Variants in WSB2 observed in about 807,000 individuals in gnomAD.
WSB2 encodes the protein WD repeat and SOCS box containing 2.
WSB2 carries 12 observed loss-of-function variants against 48.8 expected under a neutral mutation model. The ratio of observed to expected loss-of-function variants is 0.25; its 90% CI spans 0.16 to 0.40. WSB2 has a LOEUF of 0.40. Among genes scored for constraint, WSB2 ranks in the 10% least tolerant of loss-of-function variants. The pLI is 1.00. For synonymous variants in WSB2, 191 were observed against 203.1 expected, an observed-to-expected ratio of 0.94 and a Z score of 0.51; for missense variants, 317 against 506.2, an observed-to-expected ratio of 0.63 and a Z score of 3.59.
intron 1 of WSB2, among the ~76,000 whole-genome samples, chr12:118,055,551 C>CTT (rs989997556): frequency 7.5e-6 from 1 of 133,726 alleles, no homozygotes; most frequent in Non-Finnish European, 1.6e-5. Context: ...ATGAAAATGT[C>CTT]TTTTTTTTTT....
chr12:118,038,441 CTG>C lies in WSB2; in HGVS notation c.560-55_560-54del, dbSNP rs939268628. On this transcript the variant is annotated intron_variant, in intron 4 of 8. Transcript: ENST00000315436. ...GCCAGTCCTCAACAAAGCAGGAAGA[CTG>C]GAGAACGGGAGAACTGGGGTGGTAA... The C allele has an allele frequency of 4.5e-6, 7 of 1,567,688 alleles. No individual in the cohort carries two copies. The African/African-American group carries it at 8.1e-5, about 18-fold the overall frequency.
At position 118,032,919 on chromosome 12, in the gene WSB2, T is replaced by C. The variant is rs148695294; in HGVS notation, c.*1277A>G. 6.6e-6 allele frequency: 1 copy of C among 152,230 alleles called. No homozygotes were observed. Among genetic ancestry groups the C allele is most frequent in the East Asian group, 1.9e-4 (1 of 5,172 alleles). 9.4% of individuals were successfully genotyped at this position (152,230 alleles called of 1,614,324 possible). A position where few individuals can be genotyped will look rare whatever the true frequency, so the allele number is the denominator to read the frequency against. On this transcript the variant is annotated 3_prime_UTR_variant, in exon 9 of 9. Transcript: ENST00000315436. ...CAGAGAGCCAAAAGCTTTTAACTGT[T>C]GTTTTTTTCTTTTCTTCAATGAAAG...
In WSB2 at chr12:118,055,607, C is replaced by CTTTTTTT. The variant is rs748354611; in HGVS notation, c.14-3136_14-3130dup. The stretch of plus-strand genomic sequence containing the variant: ...ATTGGTTCACTTCCTCTACATTATC[C>CTTTTTTT]TTTTTTTTTTTTTTTTTTTTTTTTT... On this transcript the variant is annotated intron_variant, in intron 1 of 8. Transcript: ENST00000315436. 1.5e-3 allele frequency among the ~76,000 whole-genome samples: 124 copies of CTTTTTTT among 81,712 alleles called. 1 individual carries two copies. The highest frequency in any genetic ancestry group is 3.4e-3 in the East Asian group (7 of 2,088). The allele number at this position is 81,712 out of a possible 152,430, so 53.6% of individuals were successfully genotyped here. A position where few individuals can be genotyped will look rare whatever the true frequency, so the allele number is the denominator to read the frequency against.
rs1355309190 is a variant in WSB2 at position 118,032,933 on chromosome 12, C to A, written c.*1263G>T. On this transcript the variant is annotated 3_prime_UTR_variant, in exon 9 of 9. Transcript: ENST00000315436. The stretch of plus-strand genomic sequence containing the variant: ...CTTTTAACTGTTGTTTTTTTCTTTT[C>A]TTCAATGAAAGCCTCTCATTTTGAA... 1 of 151,348 alleles carries A rather than the reference C, an allele frequency of 6.6e-6. No homozygotes were observed. The highest frequency in any genetic ancestry group is 1.5e-5 in the Non-Finnish European group (1 of 67,838). 9.4% of individuals were successfully genotyped at this position (151,348 alleles called of 1,614,324 possible). A position where few individuals can be genotyped will look rare whatever the true frequency, so the allele number is the denominator to read the frequency against.
At chr12:118,043,477 G>T in intron 2 of WSB2, 100 bp from the exon 3 acceptor site, 1 of 1,488,350 alleles carries the variant, frequency 6.7e-7, no homozygotes, top group Non-Finnish European at 8.9e-7. Flanking sequence ...GGAGGGAAGG[G>T]TCTGTCACCC....
chr12:118,061,536 G>C (rs1593478156), upstream of WSB2, among the ~76,000 whole-genome samples: 1 of 151,362 alleles, frequency 6.6e-6, no homozygotes, highest in East Asian at 2.0e-4. Context: ...CGGGAAAAGG[G>C]GAGCGATAGA....
At chr12:118,051,942 C>G (rs2031860796) in intron 2 of WSB2, among the ~76,000 whole-genome samples, 1 of 152,094 alleles carries the variant, frequency 6.6e-6, no homozygotes, top group African/African-American at 2.4e-5. Flanking sequence ...CCATTGCACT[C>G]CAGCCTAGGA....
chr12:118,035,621 A>G (rs1185154171), intron 6 of WSB2: 3 of 330,466 alleles, frequency 9.1e-6, no homozygotes, highest in Admixed American at 9.2e-5. Flanking sequence ...TTTTTAGGCT[A>G]AGATACATGA....
Position 118,036,527 on chromosome 12 carries a change from G to A in WSB2, c.661-17C>T, listed in dbSNP as rs778396707. On this transcript the variant is annotated splice_polypyrimidine_tract_variant and intron_variant, in intron 5 of 8. Transcript: ENST00000315436. ...TAGAAAGACCTGTGGAAAGTAAGAA[G>A]TGCCTGGTTAGGGCAGAAGCAAAGT... 4.4e-6 allele frequency: 7 copies of A among 1,603,010 alleles called. No homozygotes were observed. Among genetic ancestry groups the A allele is most frequent in the Non-Finnish European group, 8.5e-7 (1 of 1,172,816 alleles).
At chr12:118,034,583 G>GTCTCTCTCTCTCTCTCTCTCTC (rs10624358) in intron 8 of WSB2, 4 of 538,148 alleles carry the variant, frequency 7.4e-6, no homozygotes, top group Non-Finnish European at 9.6e-6. Flanking sequence ...CGCTCTCTCT[G>GTCTCTCTCTCTCTCTCTCTCTC]TCTCTCTCTC....
chr12:118,042,669 C>T (rs1415496605), intron 4 of WSB2, 172 bp downstream of exon 4: 5 of 940,980 alleles, frequency 5.3e-6, no homozygotes, highest in Non-Finnish European at 3.1e-6. Flanking sequence ...ATAGTATTAT[C>T]TTTGGGGCGG....
rs879299075 is a variant in WSB2 at position 118,034,582 on chromosome 12, T to TCTCTCTC, written c.1053-225_1053-224insGAGAGAG. 8.3e-3 allele frequency: 4,532 copies of TCTCTCTC among 542,820 alleles called. 72 individuals are homozygous for TCTCTCTC. Among genetic ancestry groups the TCTCTCTC allele is most frequent in the Admixed American group, 0.063 (1,824 of 29,014 alleles). The allele number at this position is 542,820 out of a possible 1,614,324, so 33.6% of individuals were successfully genotyped here. A position where few individuals can be genotyped will look rare whatever the true frequency, so the allele number is the denominator to read the frequency against. On this transcript the variant is annotated intron_variant, in intron 8 of 8. Transcript: ENST00000315436. The stretch of plus-strand genomic sequence containing the variant: ...ACCTGTGATACCAAAGCGCTCTCTC[T>TCTCTCTC]GTCTCTCTCTCGGCACAGCCCTTTC...
In WSB2 at chr12:118,059,580, C is replaced by G. The variant is rs190258828; in HGVS notation, c.13+1456G>C. Among the ~76,000 whole-genome samples the G allele has an allele frequency of 6.6e-3, 999 of 152,224 alleles. 14 individuals are homozygous for G. Among genetic ancestry groups the G allele is most frequent in the Non-Finnish European group, 6.4e-3 (437 of 68,016 alleles). On this transcript the variant is annotated intron_variant, in intron 1 of 8. Transcript: ENST00000315436. Reference sequence around the variant, plus strand: ...CAGTAACTTGGCAGCTCTCAACAACCCTGCCCACACCCTCAAAACGAAGTT... The same window carrying G: ...CAGTAACTTGGCAGCTCTCAACAACGCTGCCCACACCCTCAAAACGAAGTT...
rs1008666476 is a variant in WSB2, at chr12:118,060,192, G to C, written c.13+844C>G. On this transcript the variant is annotated intron_variant, in intron 1 of 8. Transcript: ENST00000315436. The surrounding 1 kb of genome is among the most constrained non-coding windows in gnomAD (Gnocchi z 4.1). ...GGGGAGAGGGCCAAGGCGTGCATGC[G>C]TCTTGGGGTTTTTTTCCCCTTGCAT... 6.6e-6 allele frequency among the ~76,000 whole-genome samples: 1 copy of C among 152,174 alleles called. No homozygotes were observed. The highest frequency in any genetic ancestry group is 2.4e-5 in the African/African-American group (1 of 41,436).
chr12:118,044,061 G>C (rs1292586556), intron 2 of WSB2, among the ~76,000 whole-genome samples: 1 of 151,852 alleles, frequency 6.6e-6, no homozygotes, highest in Non-Finnish European at 1.5e-5. Flanking sequence ...GGAGGTTGCA[G>C]TGAACCAAGA....
intron 4 of WSB2, chr12:118,042,397 G>C (rs144500748): frequency 2.1e-4 from 35 of 169,986 alleles, no homozygotes; most frequent in Middle Eastern, 3.1e-3. Context: ...ATGCACAGGA[G>C]AGCCCACGAC....
chr12:118,033,585 C>G lies in WSB2; in HGVS notation c.*611G>C, dbSNP rs73217914. The G allele has an allele frequency of 0.015, 2,308 of 150,250 alleles. 32 individuals are homozygous for G. The highest frequency in any genetic ancestry group is 0.043 in the Middle Eastern group (12 of 282). The allele number at this position is 150,250 out of a possible 1,614,324, so 9.3% of individuals were successfully genotyped here. On this transcript the variant is annotated 3_prime_UTR_variant, in exon 9 of 9. Transcript: ENST00000315436. ...AAAAAGCCAGTAATAGTGTCTGGAT[C>G]GGTCAGGAGCACGGCCTCTGAGTCC...
chr12:118,042,483 C>T (rs1033821885), intron 4 of WSB2: 3 of 198,606 alleles, frequency 1.5e-5, no homozygotes, highest in African/African-American at 2.4e-5. Context: ...TTAACAGGGG[C>T]AATTCACCCC....
intron 8 of WSB2, chr12:118,034,583 GTCTC>G: frequency 1.9e-6 from 1 of 537,440 alleles, no homozygotes; most frequent in Non-Finnish European, 3.2e-6. Flanking sequence ...CGCTCTCTCT[GTCTC>G]TCTCTCGGCA....
Sources: gnomAD v4.1 joint callset for allele counts (sites outside exome capture counted in the v4.1 genomes callset) on GRCh38, gnomAD v4.1.1 for gene constraint, Gnocchi (gnomAD v3.1) non-coding constraint, MANE v1.5 for transcripts, NCBI Gene and HGNC (gene_info 2026-07-23, HGNC 2026-07-21) for gene names.